Variants in FMO3 observed in about 807,000 individuals in gnomAD.
FMO3 encodes flavin containing dimethylaniline monoxygenase 3.
In FMO3, 40 loss-of-function variants were observed where a neutral mutation model predicts 39.4. The ratio of observed to expected loss-of-function variants is 1.02; its 90% CI spans 0.79 to 1.32. FMO3 has a LOEUF of 1.32. Among genes scored for constraint, FMO3 ranks in the 40% most tolerant of loss-of-function variants. FMO3 has a pLI of 0.00. For missense variants in FMO3, 680 were observed against 651.8 expected, an observed-to-expected ratio of 1.04 and a Z score of -0.47; for synonymous variants, 219 against 228.8, an observed-to-expected ratio of 0.96 and a Z score of 0.39.
chr1:171,110,900 A>C lies in FMO3; in HGVS notation c.730A>C (p.Lys244Gln). Reference sequence around the variant, plus strand: ...CGTCACTCGATTTGGAACCTTCCTCAAGAACAATTTACCGACAGCCATCTC... The same window carrying C: ...CGTCACTCGATTTGGAACCTTCCTCCAGAACAATTTACCGACAGCCATCTC... The part of the protein sequence containing the change: ...LLVTRFGTFL[K>Q]NNLPTAISDW... Residue 244 changes from lysine to glutamine, a missense_variant, in exon 6 of 9, where the codon AAG (lysine) becomes CAG (glutamine). Physicochemically the swap from Lys to Gln is moderately conservative, Grantham distance 53. Coordinates refer to ENST00000367755, the MANE Select transcript of FMO3 (RefSeq NM_001002294.3). The C allele has an allele frequency of 6.2e-7, 1 of 1,613,988 alleles. No individual in the cohort carries two copies. The highest frequency in any genetic ancestry group is 8.5e-7 in the Non-Finnish European group (1 of 1,179,926).
intron 3 of FMO3, among the ~76,000 whole-genome samples, chr1:171,106,825 A>G (rs1462855288): frequency 2.0e-5 from 3 of 152,182 alleles, no homozygotes; most frequent in African/African-American, 7.2e-5. Context: ...CCAGCAGCAA[A>G]CAGAAACCTA....
intron 3 of FMO3, 119 bp downstream of exon 3, chr1:171,104,092 G>A (rs1655533059): frequency 1.3e-6 from 1 of 795,860 alleles, no homozygotes. Flanking sequence ...TTTTAACAGT[G>A]TGGCCTCTCT....
chr1:171,104,437 A>C (rs66963071), intron 3 of FMO3, among the ~76,000 whole-genome samples: 8,724 of 152,140 alleles, frequency 0.057, 551 homozygotes, highest in East Asian at 0.2. Flanking sequence ...TTTAAAAATA[A>C]GGTAAGAAAG....
rs2101925408 is a variant in FMO3 at position 171,117,219 on chromosome 1, T to C, written c.1376T>C (p.Met459Thr). 3.7e-6 allele frequency: 6 copies of C among 1,614,186 alleles called. No individual in the cohort carries two copies. In the African/African-American group the frequency reaches 5.3e-5, roughly 14 times the overall value. The change falls in exon 9 of 9, where the codon ATG becomes ACG. Residue 459 changes from methionine (M) to threonine (T), a missense_variant. Coordinates refer to ENST00000367755, the MANE Select transcript of FMO3 (RefSeq NM_001002294.3). ...WLFLTDPKLA[M>T]EVYFGPCSPY... The stretch of plus-strand genomic sequence containing the variant: ...TTTCTCACAGATCCCAAATTGGCCA[T>C]GGAAGTTTATTTTGGCCCTTGTAGT...
At chr1:171,111,770 T>G (rs1487667213) in intron 6 of FMO3, among the ~76,000 whole-genome samples, 2 of 152,198 alleles carry the variant, frequency 1.3e-5, no homozygotes, top group African/African-American at 4.8e-5. Flanking sequence ...TATTACACGT[T>G]TATTATATGC....
At chr1:171,095,320 G>A (rs563145641) in intron 2 of FMO3, among the ~76,000 whole-genome samples, 4 of 152,278 alleles carry the variant, frequency 2.6e-5, no homozygotes, top group African/African-American at 7.2e-5. Context: ...CCGTGCATAT[G>A]TAATAAGGGT....
At chr1:171,108,280 T>C in intron 5 of FMO3, 59 bp downstream of exon 5, 1 of 1,595,112 alleles carries the variant, frequency 6.3e-7, no homozygotes. Context: ...TATTATCGTT[T>C]GAAAGGTGTG....
At chr1:171,094,906 G>A (rs904494415) in intron 2 of FMO3, among the ~76,000 whole-genome samples, 8 of 152,072 alleles carry the variant, frequency 5.3e-5, no homozygotes, top group African/African-American at 1.9e-4. Context: ...GCTTAGAATT[G>A]CTGAGGTTAT....
At chr1:171,095,877 TATA>T (rs1280144650) in intron 2 of FMO3, among the ~76,000 whole-genome samples, 2 of 89,678 alleles carry the variant, frequency 2.2e-5, no homozygotes, top group South Asian at 5.8e-4. Flanking sequence ...ATATATAAAA[TATA>T]ATTATATTAT....
chr1:171,110,948 A>G lies in FMO3; in HGVS notation c.778A>G (p.Met260Val), dbSNP rs1201544644. ...CTCTGACTGGTTGTACGTGAAGCAG[A>G]TGAATGCAAGATTCAAGCATGAAAA... ...AISDWLYVKQ[M>V]NARFKHENYG... The change falls in exon 6 of 9, where the codon ATG becomes GTG. Residue 260 changes from methionine to valine, a missense_variant. Transcript: ENST00000367755. 5.6e-6 allele frequency: 9 copies of G among 1,613,890 alleles called. No individual in the cohort carries two copies. In the East Asian group the frequency reaches 2.0e-4, roughly 36 times the overall value.
At chr1:171,104,284 AAAG>A (rs1384636293) in intron 3 of FMO3, among the ~76,000 whole-genome samples, 1 of 152,156 alleles carries the variant, frequency 6.6e-6, no homozygotes, top group Non-Finnish European at 1.5e-5. Flanking sequence ...CATATAGGTC[AAAG>A]AAGAAATTTC....
At chr1:171,108,268 G>C (rs1557942483) in intron 5 of FMO3, 47 bp downstream of exon 5, 1 of 1,607,504 alleles carries the variant, frequency 6.2e-7, no homozygotes, top group Middle Eastern at 1.7e-4. Context: ...TGACAGAAGA[G>C]TTATTATCGT....
In FMO3 at chr1:171,101,691, C is replaced by T. The variant is rs115450638; in HGVS notation, c.133-2094C>T. On this transcript the variant is annotated intron_variant, in intron 2 of 8. Transcript: ENST00000367755. ...GACTTCTAACCCTGATCTAGAGCCA[C>T]GATGATGTATTTCCCTCACCTTCTT... The T allele has an allele frequency of 3.2e-4, 158 of 499,228 alleles. 1 individual carries two copies. The highest frequency in any genetic ancestry group is 6.9e-4 in the East Asian group (12 of 17,368). 30.9% of individuals were successfully genotyped at this position (499,228 alleles called of 1,614,324 possible). A position where few individuals can be genotyped will look rare whatever the true frequency, so the allele number is the denominator to read the frequency against.
chr1:171,096,739 A>G (rs1403015534), intron 2 of FMO3, among the ~76,000 whole-genome samples: 1 of 139,180 alleles, frequency 7.2e-6, no homozygotes, highest in African/African-American at 2.6e-5. Context: ...AATATATATA[A>G]TTAATATAAT....
intron 5 of FMO3, 68 bp from the exon 6 acceptor site, chr1:171,110,730 T>C: frequency 3.6e-6 from 5 of 1,405,614 alleles, no homozygotes; most frequent in Non-Finnish European, 5.1e-6. Context: ...AAGAGGGATC[T>C]GGGGTGCTCA....
intron 2 of FMO3, among the ~76,000 whole-genome samples, chr1:171,102,291 A>T (rs1253703779): frequency 6.6e-6 from 1 of 152,216 alleles, no homozygotes; most frequent in Non-Finnish European, 1.5e-5. Context: ...TCTAGTGCTC[A>T]GTACTTTCCA....
chr1:171,106,642 G>A (rs1250090089), intron 3 of FMO3, among the ~76,000 whole-genome samples: 2 of 152,014 alleles, frequency 1.3e-5, no homozygotes, highest in African/African-American at 2.4e-5. Context: ...GAAAAATAAA[G>A]AGAATGACAA....
intron 3 of FMO3, among the ~76,000 whole-genome samples, chr1:171,104,547 A>G (rs962441148): frequency 1.4e-4 from 21 of 152,204 alleles, no homozygotes; most frequent in Admixed American, 8.5e-4. Context: ...CATATGTACA[A>G]ATTGAAAGTT....
chr1:171,107,116 A>G (rs1050350490), intron 3 of FMO3, among the ~76,000 whole-genome samples: 3 of 152,340 alleles, frequency 2.0e-5, no homozygotes, highest in South Asian at 4.1e-4. Flanking sequence ...GAGCACACCA[A>G]CAGGCAGCCA....
Sources: allele counts gnomAD v4.1 joint callset (sites outside exome capture counted in the v4.1 genomes callset), GRCh38; gene constraint gnomAD v4.1.1; transcripts MANE v1.5; gene names NCBI Gene and HGNC (gene_info 2026-07-23, HGNC 2026-07-21).